The following RGSL1 variants were observed in gnomAD, a reference collection of about 807,000 sequenced individuals.
The protein encoded by RGSL1 is regulator of G protein signaling like 1.
RGSL1 carries 97 observed loss-of-function variants against 124.7 expected under a neutral mutation model. That is an observed-to-expected ratio of 0.78 (90% CI 0.66 to 0.92). The LOEUF is 0.92. Ranked by LOEUF, RGSL1 falls within the 40% of genes least tolerant of loss-of-function variation. The probability of loss-of-function intolerance (pLI) is 0.00; values close to 1 mark genes in which losing one functional copy is unlikely to be tolerated. For missense variants in RGSL1, 1,233 were observed against 1,288.4 expected (o/e 0.96, Z 0.66); for synonymous variants, 424 against 438.1 (o/e 0.97, Z 0.40).
chr1:182,509,731 T>A (rs1290410422), intron 9 of RGSL1, among the ~76,000 whole-genome samples: 2 of 122,262 alleles, frequency 1.6e-5, no homozygotes, highest in Admixed American at 1.5e-4. Flanking sequence ...CCCCCCCACC[T>A]CCCTCCCGGA....
intron 4 of RGSL1, 111 bp downstream of exon 4, chr1:182,460,244 G>A: frequency 7.4e-7 from 1 of 1,352,064 alleles, no homozygotes; most frequent in Admixed American, 2.8e-5. Flanking sequence ...GTGTGTGTGT[G>A]TGTAGAAATA....
chr1:182,542,927 G>A (rs987252378), intron 15 of RGSL1, among the ~76,000 whole-genome samples: 2 of 151,986 alleles, frequency 1.3e-5, no homozygotes, highest in African/African-American at 2.4e-5. Flanking sequence ...TTTACTGAAT[G>A]TCTGAGTTCT....
At chr1:182,541,296 C>T (rs1254887869) in intron 15 of RGSL1, among the ~76,000 whole-genome samples, 1 of 152,102 alleles carries the variant, frequency 6.6e-6, no homozygotes, top group African/African-American at 2.4e-5. Context: ...ACTTTTTTAG[C>T]TCCCACATAT....
intron 9 of RGSL1, among the ~76,000 whole-genome samples, chr1:182,518,487 C>G (rs1488909123): frequency 6.6e-6 from 1 of 152,128 alleles, no homozygotes; most frequent in Non-Finnish European, 1.5e-5. Context: ...TTTGGCTGAT[C>G]TATAGAGCAG....
At chr1:182,511,797 C>A (rs945956348) in intron 9 of RGSL1, among the ~76,000 whole-genome samples, 1 of 152,090 alleles carries the variant, frequency 6.6e-6, no homozygotes, top group African/African-American at 2.4e-5. Flanking sequence ...ATTGGTGTTT[C>A]GATAGGATGA....
At chr1:182,466,852 A>G (rs1316403631) in intron 4 of RGSL1, among the ~76,000 whole-genome samples, 2 of 152,200 alleles carry the variant, frequency 1.3e-5, no homozygotes, top group African/African-American at 2.4e-5. Flanking sequence ...AACTCCAAAC[A>G]GCCATAACAA....
intron 4 of RGSL1, among the ~76,000 whole-genome samples, chr1:182,463,588 C>G (rs571424218): frequency 1.3e-5 from 2 of 152,160 alleles, no homozygotes; most frequent in African/African-American, 4.8e-5. Flanking sequence ...CCAAAATAGA[C>G]TTTAAGTTTT....
chr1:182,466,645 A>G (rs977677420), intron 4 of RGSL1, among the ~76,000 whole-genome samples: 2 of 152,184 alleles, frequency 1.3e-5, no homozygotes, highest in Non-Finnish European at 2.9e-5. Flanking sequence ...TTGCACAATA[A>G]AAACTACAAA....
At chr1:182,455,649 C>T (rs1456955640) in intron 2 of RGSL1, among the ~76,000 whole-genome samples, 2 of 151,598 alleles carry the variant, frequency 1.3e-5, no homozygotes, top group Non-Finnish European at 2.9e-5. Flanking sequence ...GCAAGAAAAA[C>T]AAAAGCATTA....
At chr1:182,472,594 C>A (rs1171869942) in intron 5 of RGSL1, 37 bp downstream of exon 5, 12 of 1,474,384 alleles carry the variant, frequency 8.1e-6, no homozygotes, top group Admixed American at 4.6e-5. Flanking sequence ...GGGGATGCAA[C>A]AAAAAAGTAA....
At chr1:182,508,201 C>T (rs571868240) in intron 9 of RGSL1, among the ~76,000 whole-genome samples, 12 of 149,240 alleles carry the variant, frequency 8.0e-5, no homozygotes, top group African/African-American at 3.0e-4. Context: ...TTTATTCCAT[C>T]TTTTTGATAA....
chr1:182,453,195 A>G (rs1237007629), intron 1 of RGSL1, among the ~76,000 whole-genome samples: 1 of 152,242 alleles, frequency 6.6e-6, no homozygotes, highest in East Asian at 1.9e-4. Context: ...TGCATGATCA[A>G]ATTAATATTC....
intron 6 of RGSL1, among the ~76,000 whole-genome samples, chr1:182,487,666 G>C (rs1446151585): frequency 2.6e-5 from 4 of 152,158 alleles, no homozygotes; most frequent in Non-Finnish European, 5.9e-5. Context: ...GTTCACGCTG[G>C]AAGCTGAGCT....
intron 11 of RGSL1, among the ~76,000 whole-genome samples, chr1:182,528,162 GT>G (rs962151818): frequency 3.9e-5 from 6 of 152,100 alleles, no homozygotes; most frequent in African/African-American, 1.4e-4. Context: ...GAAGCCCCTT[GT>G]AAAATCATCA....
At chr1:182,556,898 T>A (rs1660898789) in intron 21 of RGSL1, among the ~76,000 whole-genome samples, 1 of 152,164 alleles carries the variant, frequency 6.6e-6, no homozygotes, top group Non-Finnish European at 1.5e-5. Context: ...TGAGGACAGG[T>A]TGGCTTGTCA....
chr1:182,460,226 G>A, intron 4 of RGSL1, 93 bp downstream of exon 4: 1 of 1,415,836 alleles, frequency 7.1e-7, no homozygotes, highest in Non-Finnish European at 9.3e-7. Context: ...TCTTATGCCT[G>A]TATGTGTGTG....
At chr1:182,553,319 G>C in intron 18 of RGSL1, 136 bp from the exon 19 acceptor site, 2 of 675,080 alleles carry the variant, frequency 3.0e-6, no homozygotes, top group Non-Finnish European at 5.1e-6. Flanking sequence ...CAAAGATTTA[G>C]ATTTAGATAA....
chr1:182,545,633 GCTCT>G (rs1179505461), intron 15 of RGSL1, among the ~76,000 whole-genome samples: 1 of 152,118 alleles, frequency 6.6e-6, no homozygotes, highest in East Asian at 1.9e-4. Context: ...TCTAGGAAAG[GCTCT>G]CTCTCCTTCA....
rs992634404 is a variant in RGSL1, at chr1:182,473,594, C to T, written c.483C>T (p.Ser161=). ...TTCCAGAGTCCCTCCTGAACCTCTC[C>T]ATCTGGCATCCCAACCAATCAACCA... ...NMNIKSLLNL[S]IWHPNQSTTR... Residue 161 remains serine, a synonymous_variant, in exon 6 of 22, where the codon TCC becomes TCT. Coordinates refer to ENST00000294854, the MANE Select transcript of RGSL1 (RefSeq NM_001137669.2). 1 of 1,547,020 alleles carries T rather than the reference C, an allele frequency of 6.5e-7. No individual in the cohort carries two copies. Among genetic ancestry groups the T allele is most frequent in the South Asian group, 1.2e-5 (1 of 83,152 alleles).
Sources: allele counts gnomAD v4.1 joint callset (sites outside exome capture counted in the v4.1 genomes callset), GRCh38; gene constraint gnomAD v4.1.1; transcripts MANE v1.5; gene names NCBI Gene and HGNC (gene_info 2026-07-23, HGNC 2026-07-21).